KIF26B: variants seen among roughly 807,000 people sequenced by gnomAD.
The protein encoded by KIF26B is kinesin-like protein KIF26B.
KIF26B carries 63 observed loss-of-function variants against 151.2 expected under a neutral mutation model. The observed-to-expected ratio is 0.42, with a 90% CI of 0.34 to 0.51. The LOEUF (loss-of-function observed/expected upper bound fraction) is 0.51. Among genes scored for constraint, KIF26B ranks in the 20% least tolerant of loss-of-function variants. The pLI is 0.07. For synonymous variants in KIF26B, 1,357 were observed against 1,262.1 expected (o/e 1.08, Z -1.59); for missense variants, 2,813 against 2,913.6 (o/e 0.97, Z 0.79).
At position 245,460,784 on chromosome 1, in the gene KIF26B, T is replaced by C. The variant is rs139601638; in HGVS notation, c.1166+41039T>C. ...ATGTGCACCTGCACACATGTGTGCT[T>C]ACACGCAGCTCAAAACGGTGCCACC... On this transcript the variant is annotated intron_variant, in intron 4 of 14. Coordinates refer to ENST00000407071, the MANE Select transcript of KIF26B (RefSeq NM_018012.4). Among the ~76,000 whole-genome samples the C allele has an allele frequency of 2.2e-3, 334 of 152,338 alleles. 2 individuals are homozygous for C. The highest frequency in any genetic ancestry group is 7.6e-3 in the African/African-American group (317 of 41,572).
At chr1:245,555,268 C>G (rs1025576483) in intron 5 of KIF26B, among the ~76,000 whole-genome samples, 7 of 152,008 alleles carry the variant, frequency 4.6e-5, no homozygotes, top group African/African-American at 1.7e-4. Context: ...CTTTTCGTTT[C>G]AAGCAATAGA....
intron 5 of KIF26B, among the ~76,000 whole-genome samples, chr1:245,584,481 A>G (rs1360093176): frequency 1.3e-5 from 2 of 152,210 alleles, no homozygotes; most frequent in Non-Finnish European, 2.9e-5. Context: ...TGGAAGTGCT[A>G]AAGATTATCC....
chr1:245,518,253 A>G (rs1020741446), intron 4 of KIF26B, among the ~76,000 whole-genome samples: 3 of 152,162 alleles, frequency 2.0e-5, no homozygotes, highest in Admixed American at 6.6e-5. Context: ...GATTAGTAAT[A>G]GATCACCTTA....
intron 5 of KIF26B, among the ~76,000 whole-genome samples, chr1:245,551,942 T>C (rs1453786257): frequency 1.3e-5 from 2 of 152,168 alleles, no homozygotes; most frequent in Admixed American, 6.5e-5. Context: ...CTGATCTGCG[T>C]AATTCCATGT....
intron 2 of KIF26B, among the ~76,000 whole-genome samples, chr1:245,341,485 A>G (rs1255407591): frequency 2.6e-5 from 4 of 151,900 alleles, no homozygotes; most frequent in Non-Finnish European, 5.9e-5. Flanking sequence ...ACTCTCAGCT[A>G]ATTTTTTAAA....
chr1:245,168,802 A>G (rs1434966131), intron 2 of KIF26B, among the ~76,000 whole-genome samples: 3 of 152,110 alleles, frequency 2.0e-5, no homozygotes, highest in Non-Finnish European at 2.9e-5. Flanking sequence ...AATGCCCCGT[A>G]GTGTTTGATG....
At chr1:245,357,443 C>T (rs909216924) in intron 2 of KIF26B, among the ~76,000 whole-genome samples, 7 of 152,204 alleles carry the variant, frequency 4.6e-5, no homozygotes, top group African/African-American at 1.4e-4. Flanking sequence ...TGAAGGGAGA[C>T]ATCCCTTCTG....
intron 10 of KIF26B, among the ~76,000 whole-genome samples, chr1:245,674,184 C>A (rs573970176): frequency 1.3e-5 from 2 of 152,164 alleles, no homozygotes; most frequent in Non-Finnish European, 2.9e-5. Flanking sequence ...TTATCCCCCC[C>A]ACCAGTAAAG....
At chr1:245,469,812 A>G (rs1659872019) in intron 4 of KIF26B, among the ~76,000 whole-genome samples, 1 of 152,230 alleles carries the variant, frequency 6.6e-6, no homozygotes, top group South Asian at 2.1e-4. Context: ...CAGCTCACTT[A>G]AACCATTAAT....
At chr1:245,186,706 T>G (rs1229562782) in intron 2 of KIF26B, among the ~76,000 whole-genome samples, 1 of 152,230 alleles carries the variant, frequency 6.6e-6, no homozygotes, top group Non-Finnish European at 1.5e-5. Flanking sequence ...CCTGCTTATC[T>G]TTCAGACAGA....
In KIF26B at chr1:245,218,330, T is replaced by A. The variant is rs4465244; in HGVS notation, c.465+61647T>A. Among the ~76,000 whole-genome samples, 9,455 of 151,742 alleles carry A rather than the reference T, an allele frequency of 0.062. 427 individuals carry two copies. Among genetic ancestry groups the A allele is most frequent in the African/African-American group, 0.12 (5,098 of 41,286 alleles). The stretch of plus-strand genomic sequence containing the variant: ...GTTAGCATAAGATAAACAGGGATAG[T>A]AGCAGCAGTTGTCACTCTGAGGGAG... On this transcript the variant is annotated intron_variant, in intron 2 of 14. Coordinates refer to ENST00000407071, the MANE Select transcript of KIF26B (RefSeq NM_018012.4). The surrounding 1 kb of genome is among the most constrained non-coding windows in gnomAD (Gnocchi z 4.1).
intron 5 of KIF26B, among the ~76,000 whole-genome samples, chr1:245,545,354 G>T (rs558188598): frequency 6.6e-5 from 10 of 152,028 alleles, no homozygotes; most frequent in Admixed American, 6.6e-4. Flanking sequence ...TGCCCACCTC[G>T]GCCTCCCAAA....
chr1:245,605,995 C>T (rs1715792), intron 6 of KIF26B, among the ~76,000 whole-genome samples: 5,848 of 152,238 alleles, frequency 0.038, 172 homozygotes, highest in Admixed American at 0.078. Flanking sequence ...CACTTTATGT[C>T]CAAAGAAGGC....
intron 5 of KIF26B, among the ~76,000 whole-genome samples, chr1:245,550,697 ATGTCCCGGGGTCTGAAGC>A (rs1661861695): frequency 6.6e-6 from 1 of 152,194 alleles, no homozygotes; most frequent in Non-Finnish European, 1.5e-5. Context: ...GTGGCGTGTT[ATGTCCCGGGGTCTGAAGC>A]AAGAATGGGA....
chr1:245,361,380 C>A (rs1672815038), intron 2 of KIF26B, among the ~76,000 whole-genome samples: 2 of 152,234 alleles, frequency 1.3e-5, no homozygotes. Context: ...TTTAACATTT[C>A]CTCCTCTGGA....
At chr1:245,372,100 G>A (rs946338464) in intron 3 of KIF26B, among the ~76,000 whole-genome samples, 3 of 152,120 alleles carry the variant, frequency 2.0e-5, no homozygotes, top group Non-Finnish European at 2.9e-5. Flanking sequence ...CAGAGCAGGA[G>A]GTGACTGGCG....
chr1:245,241,877 G>A lies in KIF26B; in HGVS notation c.465+85194G>A, dbSNP rs1187235718. On this transcript the variant is annotated intron_variant, in intron 2 of 14. Transcript: ENST00000407071. The surrounding 1 kb of genome is among the most constrained non-coding windows in gnomAD (Gnocchi z 5.0). ...TATGAGCTCAGTCCCCATTTCTCAG[G>A]TGGCCTTCAAGGCTCATTCCTGACT... Among the ~76,000 whole-genome samples the A allele has an allele frequency of 6.6e-6, 1 of 152,122 alleles. No individual in the cohort carries two copies. Among genetic ancestry groups the A allele is most frequent in the African/African-American group, 2.4e-5 (1 of 41,434 alleles).
intron 2 of KIF26B, among the ~76,000 whole-genome samples, chr1:245,243,053 C>G (rs1356029099): frequency 6.6e-6 from 1 of 152,150 alleles, no homozygotes; most frequent in Non-Finnish European, 1.5e-5. Context: ...TCTTTTGCAC[C>G]TACATGGAAG....
At chr1:245,660,398 T>C (rs2044123012) in intron 10 of KIF26B, among the ~76,000 whole-genome samples, 1 of 73,960 alleles carries the variant, frequency 1.4e-5, no homozygotes, top group Non-Finnish European at 2.8e-5. Flanking sequence ...TGCAGTGATG[T>C]GGTCATAGCT....
Sources: gnomAD v4.1 joint callset for allele counts (sites outside exome capture counted in the v4.1 genomes callset) on GRCh38, gnomAD v4.1.1 for gene constraint, Gnocchi (gnomAD v3.1) non-coding constraint, MANE v1.5 for transcripts, NCBI Gene and HGNC (gene_info 2026-07-23, HGNC 2026-07-21) for gene names.